LMBRD1: variants seen among roughly 807,000 people sequenced by gnomAD.
LMBRD1 encodes LMBR1 domain containing 1.
LMBRD1 carries 64 observed loss-of-function variants against 74.8 expected under a neutral mutation model. The ratio of observed to expected loss-of-function variants is 0.86; its 90% confidence interval spans 0.70 to 1.05. LMBRD1 has a LOEUF of 1.05. Among genes scored for constraint, LMBRD1 ranks in the 50% least tolerant of loss-of-function variants. LMBRD1 has a pLI of 0.00. For missense variants in LMBRD1, 652 were observed against 645.9 expected (o/e 1.01, Z -0.10); for synonymous variants, 204 against 216.3 (o/e 0.94, Z 0.50).
At position 69,680,677 on chromosome 6, in the gene LMBRD1, G is replaced by A. The variant is rs145537601; in HGVS notation, c.1418-4136C>T. On this transcript the variant is annotated intron_variant, in intron 14 of 15. Coordinates refer to ENST00000649934, the MANE Select transcript of LMBRD1 (RefSeq NM_018368.4). The stretch of plus-strand genomic sequence containing the variant: ...GCGTTGTTGTTGAAAAATGATAGAA[G>A]GCTAAAAATCCACACACACAATAAG... Among the ~76,000 whole-genome samples the A allele has an allele frequency of 1.1e-3, 163 of 151,986 alleles. No individual in the cohort carries two copies. The East Asian group carries it at 0.025, about 23-fold the overall frequency.
intron 7 of LMBRD1, among the ~76,000 whole-genome samples, chr6:69,723,504 A>C (rs948245042): frequency 2.0e-5 from 3 of 152,168 alleles, no homozygotes; most frequent in African/African-American, 7.2e-5. Flanking sequence ...GCTACAAATC[A>C]GTAACAAAAG....
At chr6:69,721,051 C>G (rs78496171) in intron 7 of LMBRD1, among the ~76,000 whole-genome samples, 12,236 of 152,268 alleles carry the variant, frequency 0.08, 653 homozygotes, top group Admixed American at 0.15. Flanking sequence ...ACATTTGCAC[C>G]AACACCAGCC....
At chr6:69,769,415 G>A (rs1765533291) in intron 3 of LMBRD1, among the ~76,000 whole-genome samples, 1 of 151,878 alleles carries the variant, frequency 6.6e-6, no homozygotes. Context: ...TTCATTCTTA[G>A]CTTACTTTGC....
chr6:69,707,520 C>T (rs1332114315), intron 9 of LMBRD1, among the ~76,000 whole-genome samples: 1 of 151,982 alleles, frequency 6.6e-6, no homozygotes, highest in Admixed American at 6.6e-5. Flanking sequence ...ATCATTGTTT[C>T]CTTATTGTTT....
intron 2 of LMBRD1, among the ~76,000 whole-genome samples, chr6:69,786,623 T>C (rs913563923): frequency 2.0e-5 from 3 of 152,128 alleles, no homozygotes; most frequent in African/African-American, 7.2e-5. Context: ...AAAAAGTTAA[T>C]TACTTTAGAA....
chr6:69,775,004 A>AAGGAAGGAC, intron 3 of LMBRD1, among the ~76,000 whole-genome samples: 1 of 41,254 alleles, frequency 2.4e-5, no homozygotes, highest in African/African-American at 8.6e-5. Context: ...GGAGGGAGGG[A>AAGGAAGGAC]GGGAGGGAGG....
Position 69,701,844 on chromosome 6 carries a change from T to C in LMBRD1, c.980+45A>G, listed in dbSNP as rs372049478. Reference sequence around the variant, plus strand: ...TTCAGCAACAAAATGTATATTATCATAGAATTTGTATAAGTGCTTTAGAAA... The same window carrying C: ...TTCAGCAACAAAATGTATATTATCACAGAATTTGTATAAGTGCTTTAGAAA... On this transcript the variant is annotated intron_variant, in intron 10 of 15. Transcript: ENST00000649934. 1.6e-5 allele frequency: 20 copies of C among 1,287,454 alleles called. 1 individual carries two copies. In the Admixed American group the frequency reaches 2.4e-4, roughly 15 times the overall value. The allele number at this position is 1,287,454 out of a possible 1,614,324, so 79.8% of individuals were successfully genotyped here. A position where few individuals can be genotyped will look rare whatever the true frequency, so the allele number is the denominator to read the frequency against.
chr6:69,686,199 C>T (rs914470866), intron 14 of LMBRD1, among the ~76,000 whole-genome samples: 4 of 152,130 alleles, frequency 2.6e-5, no homozygotes, highest in African/African-American at 9.7e-5. Flanking sequence ...AAATACATTA[C>T]CAAAATAAGG....
intron 3 of LMBRD1, among the ~76,000 whole-genome samples, chr6:69,765,268 T>C (rs1162627295): frequency 6.6e-6 from 1 of 152,088 alleles, no homozygotes. Context: ...CTTTTACAGC[T>C]TAGGTCTATG....
intron 7 of LMBRD1, among the ~76,000 whole-genome samples, chr6:69,730,685 T>C (rs1582097206): frequency 6.6e-6 from 1 of 152,230 alleles, no homozygotes; most frequent in East Asian, 1.9e-4. Flanking sequence ...AAAGATAATA[T>C]GATTTGACAT....
At chr6:69,774,847 C>T (rs1235963586) in intron 3 of LMBRD1, among the ~76,000 whole-genome samples, 1 of 151,438 alleles carries the variant, frequency 6.6e-6, no homozygotes, top group Non-Finnish European at 1.5e-5. Flanking sequence ...AATCCCAACC[C>T]TTTGAGAGGC....
At chr6:69,713,927 A>G (rs531837948) in intron 8 of LMBRD1, 130 bp from the exon 9 acceptor site, 2 of 898,330 alleles carry the variant, frequency 2.2e-6, no homozygotes, top group East Asian at 5.2e-5. Context: ...AAACTAAAAA[A>G]AACCTGACAA....
At chr6:69,763,423 C>T (rs1177589827) in intron 3 of LMBRD1, among the ~76,000 whole-genome samples, 1 of 152,096 alleles carries the variant, frequency 6.6e-6, no homozygotes, top group African/African-American at 2.4e-5. Flanking sequence ...AGCAGAAACA[C>T]TGCCAGTTTG....
chr6:69,724,737 T>C (rs985233924), intron 7 of LMBRD1, among the ~76,000 whole-genome samples: 5 of 151,640 alleles, frequency 3.3e-5, no homozygotes, highest in Admixed American at 6.6e-5. Context: ...ATAAAAGCCA[T>C]ATATGTGAGG....
At chr6:69,781,003 T>A (rs1056016727) in intron 2 of LMBRD1, among the ~76,000 whole-genome samples, 28 of 152,166 alleles carry the variant, frequency 1.8e-4, no homozygotes, top group Admixed American at 6.6e-4. Flanking sequence ...GACACATATG[T>A]CAGGGGCTTG....
At chr6:69,676,304 C>T (rs143117986) in intron 15 of LMBRD1, 33 bp from the exon 16 acceptor site, 29,166 of 1,602,238 alleles carry the variant, frequency 0.018, 331 homozygotes, top group Non-Finnish European at 0.022. Context: ...TGTTATTTTT[C>T]AAATTTAAAA....
intron 7 of LMBRD1, among the ~76,000 whole-genome samples, chr6:69,719,314 T>G (rs1205178974): frequency 6.6e-6 from 1 of 152,048 alleles, no homozygotes; most frequent in Non-Finnish European, 1.5e-5. Flanking sequence ...AAGTTGCAAA[T>G]TTACTGTAAA....
chr6:69,754,577 G>T (rs1462252061), intron 3 of LMBRD1, among the ~76,000 whole-genome samples: 1 of 152,176 alleles, frequency 6.6e-6, no homozygotes, highest in Non-Finnish European at 1.5e-5. Context: ...TGAAATTTAT[G>T]CAGGCTTTTA....
At chr6:69,680,234 C>T (rs1765632386) in intron 14 of LMBRD1, among the ~76,000 whole-genome samples, 1 of 152,134 alleles carries the variant, frequency 6.6e-6, no homozygotes. Context: ...TGGTATCATT[C>T]ATGGTTTAAG....
Sources: gnomAD v4.1 joint callset for allele counts (sites outside exome capture counted in the v4.1 genomes callset) on GRCh38, gnomAD v4.1.1 for gene constraint, MANE v1.5 for transcripts, NCBI Gene and HGNC (gene_info 2026-07-23, HGNC 2026-07-21) for gene names.